Variants in COL23A1 observed in about 807,000 individuals in gnomAD.
The protein encoded by COL23A1 is collagen alpha-1(XXIII) chain.
COL23A1 carries 97 observed loss-of-function variants against 99.3 expected under a neutral mutation model. That is an observed-to-expected ratio of 0.98 (90% CI 0.83 to 1.16). COL23A1 has a LOEUF of 1.16. Ranked by LOEUF, COL23A1 falls within the 50% of genes most tolerant of loss-of-function variation. The probability of loss-of-function intolerance (pLI) is 0.00; values close to 1 mark genes in which losing one functional copy is unlikely to be tolerated. For synonymous variants in COL23A1, 320 were observed against 308.2 expected (o/e 1.04, Z -0.40); for missense variants, 762 against 757.4 (o/e 1.01, Z -0.07).
At chr5:178,242,443 C>G in intron 25 of COL23A1, 49 bp from the exon 26 acceptor site, 1 of 1,589,722 alleles carries the variant, frequency 6.3e-7, no homozygotes. Flanking sequence ...TGGAGGTTTG[C>G]CCCTCTGTTA....
At chr5:178,322,686 G>A (rs1416164689) in intron 2 of COL23A1, among the ~76,000 whole-genome samples, 5 of 152,114 alleles carry the variant, frequency 3.3e-5, no homozygotes, top group East Asian at 1.9e-4. Context: ...ACTTTCCTCC[G>A]TCTCAAAATG....
Position 178,415,328 on chromosome 5 carries a change from G to A in COL23A1, c.362-108409C>T, listed in dbSNP as rs1720051707. The stretch of plus-strand genomic sequence containing the variant: ...TCTGTGCCACAGTGGGAGTGCTGCA[G>A]ACACTGAGCCACCAGGCTGAGTAAA... On this transcript the variant is annotated intron_variant, in intron 2 of 28. Coordinates refer to ENST00000390654, the MANE Select transcript of COL23A1 (RefSeq NM_173465.4). This position sits in a 1 kb window ranked among gnomAD's most constrained non-coding sequence, Gnocchi z 4.6. Among the ~76,000 whole-genome samples the A allele has an allele frequency of 2.0e-5, 3 of 152,202 alleles. No homozygotes were observed. The South Asian group carries it at 6.2e-4, about 31-fold the overall frequency.
chr5:178,328,955 C>T (rs1161437379), intron 2 of COL23A1, among the ~76,000 whole-genome samples: 1 of 152,190 alleles, frequency 6.6e-6, no homozygotes, highest in Non-Finnish European at 1.5e-5. Context: ...CCTGCCGATA[C>T]AGAAATGGGC....
intron 2 of COL23A1, among the ~76,000 whole-genome samples, chr5:178,499,144 A>G (rs993000258): frequency 6.6e-6 from 1 of 152,154 alleles, no homozygotes; most frequent in Non-Finnish European, 1.5e-5. Flanking sequence ...CATCTGACTA[A>G]TATCAGCCAA....
chr5:178,501,255 G>A (rs777484450), intron 2 of COL23A1, among the ~76,000 whole-genome samples: 1 of 152,152 alleles, frequency 6.6e-6, no homozygotes, highest in Admixed American at 6.5e-5. Context: ...GAGGAAATGA[G>A]TAACCTGGAA....
At chr5:178,249,283 T>A in intron 18 of COL23A1, 77 bp from the exon 19 acceptor site, 1 of 1,400,348 alleles carries the variant, frequency 7.1e-7, no homozygotes, top group South Asian at 1.2e-5. Context: ...TCCCCAGAGC[T>A]TAGTTCATGC....
intron 2 of COL23A1, among the ~76,000 whole-genome samples, chr5:178,483,042 A>G (rs1277548041): frequency 6.6e-6 from 1 of 152,194 alleles, no homozygotes; most frequent in Non-Finnish European, 1.5e-5. Flanking sequence ...ACTGCACACC[A>G]GCCTGGGAAA....
intron 3 of COL23A1, among the ~76,000 whole-genome samples, chr5:178,299,189 G>A (rs570949044): frequency 3.3e-5 from 5 of 152,222 alleles, no homozygotes; most frequent in Non-Finnish European, 7.4e-5. Context: ...AAGTGTTCTC[G>A]CCATTTCTAT....
intron 2 of COL23A1, among the ~76,000 whole-genome samples, chr5:178,521,413 C>T (rs1242370082): frequency 1.3e-5 from 2 of 152,028 alleles, no homozygotes; most frequent in Non-Finnish European, 2.9e-5. Context: ...ATTAGCCGGG[C>T]GTGGTGGCAG....
chr5:178,527,420 T>A (rs1562055897), intron 2 of COL23A1, among the ~76,000 whole-genome samples: 3 of 152,060 alleles, frequency 2.0e-5, no homozygotes, highest in African/African-American at 4.8e-5. Context: ...GACCCCCTCA[T>A]CTCTCTTCCC....
At chr5:178,389,519 A>G (rs73803012) in intron 2 of COL23A1, among the ~76,000 whole-genome samples, 2,107 of 152,310 alleles carry the variant, frequency 0.014, 49 homozygotes, top group African/African-American at 0.048. Context: ...GGGGAGCTGC[A>G]CATTCTCATC....
chr5:178,457,707 C>G (rs1268042384), intron 2 of COL23A1, among the ~76,000 whole-genome samples: 3 of 152,150 alleles, frequency 2.0e-5, no homozygotes, highest in South Asian at 4.1e-4. Context: ...TTGTTGGAGG[C>G]AGTGCTGTGA....
In COL23A1 at chr5:178,262,265, G is replaced by T; in HGVS notation, c.640-13C>A. 1 of 1,578,068 alleles carries T rather than the reference G, an allele frequency of 6.3e-7. No individual in the cohort carries two copies. The highest frequency in any genetic ancestry group is 1.2e-5 in the South Asian group (1 of 85,962). ...CTCCTTTGGGGCCCTGCGGAAGTGTGAGGGGACAGCAGTGAAGGATGCAGG... is the reference window on the plus strand; with the variant it reads ...CTCCTTTGGGGCCCTGCGGAAGTGTTAGGGGACAGCAGTGAAGGATGCAGG... On this transcript the variant is annotated splice_polypyrimidine_tract_variant and intron_variant, in intron 9 of 28. Transcript: ENST00000390654.
At chr5:178,377,740 G>A (rs981836652) in intron 2 of COL23A1, among the ~76,000 whole-genome samples, 8 of 152,244 alleles carry the variant, frequency 5.3e-5, no homozygotes, top group Admixed American at 2.0e-4. Context: ...GAGGCCGAGA[G>A]AGCAGGTGCA....
intron 2 of COL23A1, among the ~76,000 whole-genome samples, chr5:178,450,294 A>G (rs1356906693): frequency 6.6e-6 from 1 of 152,174 alleles, no homozygotes; most frequent in African/African-American, 2.4e-5. Context: ...AAACGTTAGG[A>G]TGGCATAAGC....
intron 1 of COL23A1, among the ~76,000 whole-genome samples, chr5:178,565,844 G>A (rs1762815269): frequency 6.6e-6 from 1 of 151,872 alleles, no homozygotes; most frequent in African/African-American, 2.4e-5. Flanking sequence ...CGGGCGCGGT[G>A]GCTCACACCT....
intron 2 of COL23A1, among the ~76,000 whole-genome samples, chr5:178,358,501 GTA>G (rs558697156): frequency 0.076 from 9,023 of 118,904 alleles, 430 homozygotes; most frequent in Middle Eastern, 0.14. Flanking sequence ...GTGTATGCGT[GTA>G]TATGTGTGTA....
chr5:178,311,509 C>CGTGT (rs958348391), intron 2 of COL23A1, among the ~76,000 whole-genome samples: 190 of 27,226 alleles, frequency 7.0e-3, no homozygotes, highest in African/African-American at 0.012. Context: ...TGTGTGTGCG[C>CGTGT]GTGTGTGTGT....
chr5:178,537,857 G>A (rs1038138141), intron 2 of COL23A1, among the ~76,000 whole-genome samples: 7 of 152,174 alleles, frequency 4.6e-5, no homozygotes, highest in East Asian at 1.9e-4. Flanking sequence ...TCACACTGTC[G>A]TGCCACCATC....
Sources: gnomAD v4.1 joint callset for allele counts (sites outside exome capture counted in the v4.1 genomes callset) on GRCh38, gnomAD v4.1.1 for gene constraint, Gnocchi (gnomAD v3.1) non-coding constraint, MANE v1.5 for transcripts, NCBI Gene and HGNC (gene_info 2026-07-23, HGNC 2026-07-21) for gene names.